PTPRD: variants seen among roughly 807,000 people sequenced by gnomAD.
PTPRD encodes the protein receptor-type tyrosine-protein phosphatase delta.
PTPRD carries 34 observed loss-of-function variants against 214.5 expected under a neutral mutation model. The observed-to-expected ratio is 0.16, with a 90% CI of 0.12 to 0.21. The LOEUF is 0.21. Ranked by LOEUF, PTPRD falls within the 10% of genes least tolerant of loss-of-function variation. PTPRD has a pLI of 1.00. For missense variants in PTPRD, 2,545 were observed against 2,398.7 expected (o/e 1.06, Z -1.27); for synonymous variants, 1,128 against 845.7 (o/e 1.33, Z -5.79).
rs545082704 is a variant in PTPRD at position 10,142,669 on chromosome 9, T to A, written c.-544-108879A>T. Among the ~76,000 whole-genome samples the A allele has an allele frequency of 3.4e-5, 5 of 148,868 alleles. No individual in the cohort carries two copies. The South Asian group carries it at 1.1e-3, about 33-fold the overall frequency. On this transcript the variant is annotated intron_variant, in intron 3 of 45. Coordinates refer to ENST00000381196, the MANE Select transcript of PTPRD (RefSeq NM_002839.4). ...TGGAGAAATAGGAACACTTTTACAC[T>A]GTTGGTGGGACTGTAAACTAGTTCA... is the stretch of plus-strand genomic sequence containing the variant.
Position 8,660,801 on chromosome 9 carries a change from T to G in PTPRD, c.65-23957A>C, listed in dbSNP as rs371659034. Reference sequence around the variant, plus strand: ...GACTCTTGACTTTCCACTTACTCTTTACCTTTTTAAATTTCATTCCTTCCA... The same window carrying G: ...GACTCTTGACTTTCCACTTACTCTTGACCTTTTTAAATTTCATTCCTTCCA... On this transcript the variant is annotated intron_variant, in intron 12 of 45. Coordinates refer to ENST00000381196, the MANE Select transcript of PTPRD (RefSeq NM_002839.4). Among the ~76,000 whole-genome samples the G allele has an allele frequency of 1.0e-3, 153 of 152,278 alleles. 1 individual carries two copies. The South Asian group carries it at 0.024, about 24-fold the overall frequency.
At chr9:9,615,020 G>C (rs988520750) in intron 7 of PTPRD, among the ~76,000 whole-genome samples, 4 of 152,156 alleles carry the variant, frequency 2.6e-5, no homozygotes, top group African/African-American at 9.7e-5. Flanking sequence ...GGGGCTTCCT[G>C]CAATTTCCAG....
intron 8 of PTPRD, among the ~76,000 whole-genome samples, chr9:9,498,546 C>A (rs1326256192): frequency 6.6e-6 from 1 of 152,052 alleles, no homozygotes; most frequent in Non-Finnish European, 1.5e-5. Context: ...ATATGAAATT[C>A]TCCTTGTTTG....
At chr9:9,829,465 G>A (rs533153810) in intron 5 of PTPRD, among the ~76,000 whole-genome samples, 1 of 151,800 alleles carries the variant, frequency 6.6e-6, no homozygotes, top group South Asian at 2.1e-4. Flanking sequence ...AATTCCTCTG[G>A]CTTTAATGTG....
At chr9:8,712,509 G>C (rs1352126984) in intron 12 of PTPRD, among the ~76,000 whole-genome samples, 1 of 151,584 alleles carries the variant, frequency 6.6e-6, no homozygotes, top group Non-Finnish European at 1.5e-5. Flanking sequence ...CTTCTTCAAA[G>C]TGTGAAAGTG....
intron 2 of PTPRD, among the ~76,000 whole-genome samples, chr9:10,565,240 C>T (rs7875645): frequency 6.1e-4 from 92 of 152,058 alleles, no homozygotes; most frequent in Non-Finnish European, 1.1e-3. Flanking sequence ...CAAACAGAAA[C>T]TTAAAATTAT....
At chr9:9,334,237 T>C (rs2043515165) in intron 9 of PTPRD, among the ~76,000 whole-genome samples, 1 of 152,024 alleles carries the variant, frequency 6.6e-6, no homozygotes, top group Admixed American at 6.6e-5. Flanking sequence ...GTTGTTGCTG[T>C]ACTTCAGGAA....
intron 7 of PTPRD, among the ~76,000 whole-genome samples, chr9:9,667,593 C>T (rs1158820282): frequency 6.6e-6 from 1 of 152,152 alleles, no homozygotes; most frequent in African/African-American, 2.4e-5. Flanking sequence ...TTCATTTAAG[C>T]ACACAGGGAT....
chr9:8,449,094 G>A (rs1016933964), intron 34 of PTPRD, among the ~76,000 whole-genome samples: 12 of 152,108 alleles, frequency 7.9e-5, no homozygotes, highest in Non-Finnish European at 1.8e-4. Flanking sequence ...GAATAGTAGT[G>A]TTCCTCTGTT....
chr9:9,655,423 G>A (rs546934494), intron 7 of PTPRD, among the ~76,000 whole-genome samples: 1 of 151,818 alleles, frequency 6.6e-6, no homozygotes, highest in Admixed American at 6.6e-5. Flanking sequence ...ACAAAAATTA[G>A]CTGGGCGTGG....
intron 5 of PTPRD, among the ~76,000 whole-genome samples, chr9:9,868,381 A>T (rs2064529533): frequency 6.6e-6 from 1 of 152,104 alleles, no homozygotes; most frequent in Non-Finnish European, 1.5e-5. Flanking sequence ...TTTTAACTAA[A>T]ATTTTGCTAT....
At chr9:8,818,560 A>T (rs558350324) in intron 11 of PTPRD, among the ~76,000 whole-genome samples, 2 of 152,312 alleles carry the variant, frequency 1.3e-5, no homozygotes, top group Admixed American at 1.3e-4. Flanking sequence ...AGATTAAAAC[A>T]CTGAGACTCA....
chr9:10,362,542 T>C (rs2097415901), intron 2 of PTPRD, among the ~76,000 whole-genome samples: 1 of 152,104 alleles, frequency 6.6e-6, no homozygotes, highest in Non-Finnish European at 1.5e-5. Context: ...ACACGAATTT[T>C]CTCTACCTCT....
In PTPRD at chr9:9,767,529, T is replaced by C. The variant is rs529733840; in HGVS notation, c.-367-678A>G. Among the ~76,000 whole-genome samples the C allele has an allele frequency of 3.6e-4, 55 of 152,176 alleles. No homozygotes were observed. The South Asian group carries it at 4.1e-3, about 11-fold the overall frequency. ...TGCAGTGTCACATTTCTAAATATGT[T>C]CAGAAACTCATCTACCTAAAGGCAC... On this transcript the variant is annotated intron_variant, in intron 5 of 45. Transcript: ENST00000381196.
chr9:9,535,050 T>A (rs1304210323), intron 8 of PTPRD, among the ~76,000 whole-genome samples: 5 of 152,066 alleles, frequency 3.3e-5, no homozygotes, highest in Non-Finnish European at 7.4e-5. Flanking sequence ...AGTGGCAGCA[T>A]CTTTAAATAT....
intron 21 of PTPRD, among the ~76,000 whole-genome samples, chr9:8,517,274 A>G (rs2097796692): frequency 6.6e-6 from 1 of 152,200 alleles, no homozygotes; most frequent in Admixed American, 6.5e-5. Context: ...AGCTCTTAGC[A>G]AAGTTAATCA....
At chr9:10,217,759 G>A (rs537497753) in intron 3 of PTPRD, among the ~76,000 whole-genome samples, 2 of 152,022 alleles carry the variant, frequency 1.3e-5, no homozygotes, top group East Asian at 3.9e-4. Context: ...ATGTGCCCAG[G>A]CCATTGGGAG....
chr9:10,389,323 T>C (rs1411648755), intron 2 of PTPRD, among the ~76,000 whole-genome samples: 1 of 151,860 alleles, frequency 6.6e-6, no homozygotes, highest in Non-Finnish European at 1.5e-5. Flanking sequence ...TCCCTAGGAA[T>C]AGATCTGACA....
intron 3 of PTPRD, among the ~76,000 whole-genome samples, chr9:10,307,779 T>C (rs1251675580): frequency 6.6e-6 from 1 of 152,036 alleles, no homozygotes; most frequent in African/African-American, 2.4e-5. Flanking sequence ...TAGAATGATA[T>C]ATCATTGTGG....
Sources: allele counts gnomAD v4.1 joint callset (sites outside exome capture counted in the v4.1 genomes callset), GRCh38; gene constraint gnomAD v4.1.1; transcripts MANE v1.5; gene names NCBI Gene and HGNC (gene_info 2026-07-23, HGNC 2026-07-21).